The following PPA1 variants were observed in gnomAD, a reference collection of about 807,000 sequenced individuals.
The protein encoded by PPA1 is inorganic pyrophosphatase 1.
PPA1 carries 23 observed loss-of-function variants against 41.8 expected under a neutral mutation model. The observed-to-expected ratio is 0.55, with a 90% CI of 0.40 to 0.78. The LOEUF (loss-of-function observed/expected upper bound fraction) is 0.78. PPA1 is among the 30% of genes least tolerant of loss of function. The pLI is 0.00. For synonymous variants in PPA1, 101 were observed against 116.8 expected (o/e 0.86, Z 0.87); for missense variants, 320 against 361.6 (o/e 0.89, Z 0.93).
At chr10:70,220,791 A>ATATATTATATATATAATTTT (rs1840143480) in intron 2 of PPA1, among the ~76,000 whole-genome samples, 1 of 35,190 alleles carries the variant, frequency 2.8e-5, no homozygotes, top group Non-Finnish European at 4.4e-5. Flanking sequence ...TATAATTTAT[A>ATATATTATATATATAATTTT]TATATATAAT....
At chr10:70,220,502 TTTTA>T (rs1477067871) in intron 2 of PPA1, among the ~76,000 whole-genome samples, 1 of 88,782 alleles carries the variant, frequency 1.1e-5, no homozygotes, top group East Asian at 2.5e-4. Flanking sequence ...TATTATATAA[TTTTA>T]TATATATAAA....
Position 70,220,763 on chromosome 10 carries a change from T to A in PPA1, c.124-1946A>T, listed in dbSNP as rs1200622354. On this transcript the variant is annotated intron_variant, in intron 2 of 10. Coordinates refer to ENST00000373232, the MANE Select transcript of PPA1 (RefSeq NM_021129.4). ...TTTATATATATATAATATATATAAT[T>A]TATATATATATAATATATATAATTT... 1.6e-3 allele frequency among the ~76,000 whole-genome samples: 12 copies of A among 7,354 alleles called. 1 individual carries two copies. Among genetic ancestry groups the A allele is most frequent in the African/African-American group, 7.3e-3 (12 of 1,646 alleles). The allele number at this position is 7,354 out of a possible 152,430, so 4.8% of individuals were successfully genotyped here.
intron 2 of PPA1, among the ~76,000 whole-genome samples, chr10:70,222,310 T>C (rs10999194): frequency 0.063 from 7,772 of 122,960 alleles, 442 homozygotes; most frequent in African/African-American, 0.17. Context: ...CACTCCAGCC[T>C]GGGCCACAGA....
rs991134896 is a variant in PPA1, at chr10:70,231,608, T to C, written c.65-1209A>G. Reference sequence around the variant, plus strand: ...AACATAAAAGTCCCTTTAGGGCCAATTGTGACTTTGCAGTCTGTCCAGCCC... The same window carrying C: ...AACATAAAAGTCCCTTTAGGGCCAACTGTGACTTTGCAGTCTGTCCAGCCC... On this transcript the variant is annotated intron_variant, in intron 1 of 10. Transcript: ENST00000373232. Among the ~76,000 whole-genome samples, 13 of 152,318 alleles carry C rather than the reference T, an allele frequency of 8.5e-5. No individual in the cohort carries two copies. In the East Asian group the frequency reaches 2.3e-3, roughly 27 times the overall value.
At chr10:70,213,385 A>C (rs1840043901) in intron 6 of PPA1, 78 bp downstream of exon 6, 5 of 1,539,066 alleles carry the variant, frequency 3.2e-6, no homozygotes, top group Non-Finnish European at 4.4e-6. Context: ...AAGGGCTTAC[A>C]ATTCTGTCAT....
rs781234888 is a variant in PPA1 at position 70,213,480 on chromosome 10, T to C, written c.494A>G (p.Asp165Gly). The C allele has an allele frequency of 1.9e-6, 3 of 1,614,006 alleles. No individual in the cohort carries two copies. Among genetic ancestry groups the C allele is most frequent in the African/African-American group, 2.7e-5 (2 of 75,056 alleles). The change falls in exon 6 of 11, where the codon GAT becomes GGT. Residue 165 changes from aspartate (D) to glycine (G), a missense_variant. By Grantham distance (94) the Asp-to-Gly change is moderately conservative. Transcript: ENST00000373232. ...TTTCTTACCATTATAATTGGCTGCA[T>C]CAGGATCATCCACATTAATGGCAAT... is the stretch of plus-strand genomic sequence containing the variant. ...KVIAINVDDP[D>G]AANYNDINDV...
intron 4 of PPA1, among the ~76,000 whole-genome samples, chr10:70,217,083 G>A (rs1840089428): frequency 6.6e-6 from 1 of 151,904 alleles, no homozygotes; most frequent in Non-Finnish European, 1.5e-5. Context: ...GTGAACCTGG[G>A]AGACGGAGCT....
At position 70,204,884 on chromosome 10, in the gene PPA1, A is replaced by G; in HGVS notation, c.827T>C (p.Val276Ala). The change falls in exon 10 of 11, where the codon GTA becomes GCA. Residue 276 changes from valine (V) to alanine (A), a missense_variant. Coordinates refer to ENST00000373232, the MANE Select transcript of PPA1 (RefSeq NM_021129.4). ...LPPPCESACT[V>A]PTDVDKWFHH... Reference sequence around the variant, plus strand: ...AATAGAAATCTTACCGTCTGTTGGTACTGTGCAGGCAGATTCACAGGGTGG... The same window carrying G: ...AATAGAAATCTTACCGTCTGTTGGTGCTGTGCAGGCAGATTCACAGGGTGG... The G allele has an allele frequency of 6.3e-7, 1 of 1,595,206 alleles. No individual in the cohort carries two copies. The highest frequency in any genetic ancestry group is 8.6e-7 in the Non-Finnish European group (1 of 1,166,694).
intron 2 of PPA1, among the ~76,000 whole-genome samples, chr10:70,221,036 A>G (rs1840154687): frequency 1.4e-5 from 1 of 72,528 alleles, no homozygotes; most frequent in Non-Finnish European, 2.3e-5. Flanking sequence ...TAATATATAT[A>G]TAAATTATAT....
intron 1 of PPA1, 113 bp from the exon 2 acceptor site, chr10:70,230,512 T>G: frequency 9.6e-7 from 1 of 1,043,134 alleles, no homozygotes; most frequent in Non-Finnish European, 1.4e-6. Flanking sequence ...CCCAGGATGG[T>G]GTGCAATGGT....
At chr10:70,221,076 A>ATTTTTTT (rs11310336) in intron 2 of PPA1, among the ~76,000 whole-genome samples, 2 of 40,026 alleles carry the variant, frequency 5.0e-5, no homozygotes, top group Non-Finnish European at 7.3e-5. Context: ...ATATATATAT[A>ATTTTTTT]TTTTTTTTTT....
intron 2 of PPA1, among the ~76,000 whole-genome samples, chr10:70,229,792 TC>T (rs1840268802): frequency 1.3e-5 from 2 of 152,212 alleles, no homozygotes; most frequent in South Asian, 2.1e-4. Context: ...TGTAATTTTT[TC>T]TTTTTTTTTT....
At chr10:70,233,145 G>C in intron 1 of PPA1, 119 bp downstream of exon 1, 1 of 1,161,568 alleles carries the variant, frequency 8.6e-7, no homozygotes. Flanking sequence ...ACGCGCCCGA[G>C]GAGACGGGCC....
intron 4 of PPA1, among the ~76,000 whole-genome samples, chr10:70,217,117 C>T (rs1032099670): frequency 2.0e-5 from 3 of 151,508 alleles, no homozygotes; most frequent in Admixed American, 6.6e-5. Context: ...GAGATCACGC[C>T]ACTGCACTCC....
chr10:70,219,812 G>T (rs1398259919), intron 2 of PPA1, among the ~76,000 whole-genome samples: 1 of 152,154 alleles, frequency 6.6e-6, no homozygotes, highest in East Asian at 1.9e-4. Context: ...GCACACTGGA[G>T]TTAAATATGC....
At chr10:70,203,312 G>T in intron 10 of PPA1, 126 bp from the exon 11 acceptor site, 1 of 828,820 alleles carries the variant, frequency 1.2e-6, no homozygotes, top group Non-Finnish European at 1.9e-6. Context: ...AAAATTAACA[G>T]GCATACATAC....
chr10:70,210,243 A>T (rs1840001547), intron 6 of PPA1: 1 of 526,342 alleles, frequency 1.9e-6, no homozygotes. Context: ...CGCCCAGCTA[A>T]TTTTTAAATT....
chr10:70,222,764 T>C (rs867672129), intron 2 of PPA1, among the ~76,000 whole-genome samples: 1 of 152,148 alleles, frequency 6.6e-6, no homozygotes, highest in African/African-American at 2.4e-5. Flanking sequence ...CCATGTTGCA[T>C]GTTGGTGTGC....
chr10:70,218,492 A>G, intron 3 of PPA1: 1 of 396,952 alleles, frequency 2.5e-6, no homozygotes. Flanking sequence ...AAGGGCTTAC[A>G]GAGAGTAAGA....
Sources: allele counts gnomAD v4.1 joint callset (sites outside exome capture counted in the v4.1 genomes callset), GRCh38; gene constraint gnomAD v4.1.1; transcripts MANE v1.5; gene names NCBI Gene and HGNC (gene_info 2026-07-23, HGNC 2026-07-21).